PRKAR2B: variants seen among roughly 807,000 people sequenced by gnomAD.
PRKAR2B encodes the protein protein kinase cAMP-dependent type II regulatory subunit beta.
In PRKAR2B, 14 loss-of-function variants were observed where a neutral mutation model predicts 49.9. The ratio of observed to expected loss-of-function variants is 0.28; its 90% CI spans 0.19 to 0.44. PRKAR2B has a LOEUF of 0.44. Ranked by LOEUF, PRKAR2B falls within the 20% of genes least tolerant of loss-of-function variation. The pLI, the probability that PRKAR2B is intolerant of heterozygous loss-of-function variation, is 1.00. For synonymous variants in PRKAR2B, 196 were observed against 197.7 expected (o/e 0.99, Z 0.07); for missense variants, 393 against 537.9 (o/e 0.73, Z 2.67).
At chr7:107,047,205 C>T (rs1203915200) in intron 1 of PRKAR2B, among the ~76,000 whole-genome samples, 1 of 152,220 alleles carries the variant, frequency 6.6e-6, no homozygotes, top group Non-Finnish European at 1.5e-5. Context: ...GCACATACAT[C>T]TGTATAACAG....
chr7:107,143,029 G>A (rs1199895343), intron 5 of PRKAR2B, among the ~76,000 whole-genome samples: 14 of 152,140 alleles, frequency 9.2e-5, no homozygotes, highest in Non-Finnish European at 2.9e-5. Context: ...TCCCAAAGTG[G>A]TGGGTTTACA....
At chr7:107,068,740 A>G (rs1352269891) in intron 1 of PRKAR2B, 1 of 152,212 alleles carries the variant, frequency 6.6e-6, no homozygotes, top group East Asian at 1.9e-4. Flanking sequence ...AAGGAAGATA[A>G]TATTCACCTC....
In PRKAR2B at chr7:107,159,896, A is replaced by T. The variant is rs992256248; in HGVS notation, c.*314A>T. 7 of 228,396 alleles carry T rather than the reference A, an allele frequency of 3.1e-5. No homozygotes were observed. The highest frequency in any genetic ancestry group is 1.4e-4 in the African/African-American group (6 of 43,950). The allele number at this position is 228,396 out of a possible 1,614,324, so 14.1% of individuals were successfully genotyped here. ...CTGTGTTTAAGAAGATAATTAAAGGATGTTATCATAGGCTATATGTGTTTT... is the reference window on the plus strand; with the variant it reads ...CTGTGTTTAAGAAGATAATTAAAGGTTGTTATCATAGGCTATATGTGTTTT... On this transcript the variant is annotated 3_prime_UTR_variant, in exon 11 of 11. Coordinates refer to ENST00000265717, the MANE Select transcript of PRKAR2B (RefSeq NM_002736.3).
intron 2 of PRKAR2B, among the ~76,000 whole-genome samples, chr7:107,089,595 A>G (rs1794681950): frequency 6.6e-6 from 1 of 152,248 alleles, no homozygotes; most frequent in South Asian, 2.1e-4. Flanking sequence ...TTAAAAAGTT[A>G]TTTGCAGGGT....
chr7:107,151,101 A>G, intron 7 of PRKAR2B, 78 bp downstream of exon 7: 1 of 832,232 alleles, frequency 1.2e-6, no homozygotes, highest in Non-Finnish European at 1.7e-6. Flanking sequence ...TTCTATAGAA[A>G]AATTTCTTTG....
At chr7:107,059,149 G>A (rs1174979683) in intron 1 of PRKAR2B, among the ~76,000 whole-genome samples, 1 of 152,166 alleles carries the variant, frequency 6.6e-6, no homozygotes, top group Non-Finnish European at 1.5e-5. Context: ...TTAGCCGGAT[G>A]TAATGGCACA....
At position 107,161,752 on chromosome 7, in the gene PRKAR2B, CA is replaced by C. The variant is rs1258661259; in HGVS notation, c.*2172del. On this transcript the variant is annotated 3_prime_UTR_variant, in exon 11 of 11. Transcript: ENST00000265717. ...ATTTGGCCATTTAGAATAACCAAAT[CA>C]ATCTGGCTAACTAGGAATTTATGTG... 6.6e-6 allele frequency: 1 copy of C among 152,164 alleles called. No homozygotes were observed. Among genetic ancestry groups the C allele is most frequent in the Admixed American group, 6.5e-5 (1 of 15,274 alleles). The allele number at this position is 152,164 out of a possible 1,614,324, so 9.4% of individuals were successfully genotyped here. A position where few individuals can be genotyped will look rare whatever the true frequency, so the allele number is the denominator to read the frequency against.
intron 2 of PRKAR2B, among the ~76,000 whole-genome samples, chr7:107,103,836 T>C (rs770483037): frequency 5.3e-5 from 8 of 152,202 alleles, no homozygotes; most frequent in Non-Finnish European, 1.2e-4. Context: ...CCCAAAGCTA[T>C]TCCTTGTTTT....
chr7:107,134,047 T>G (rs562992004), intron 4 of PRKAR2B, among the ~76,000 whole-genome samples: 2 of 152,200 alleles, frequency 1.3e-5, no homozygotes, highest in African/African-American at 2.4e-5. Context: ...TGTTGTTGTT[T>G]TTTGAGAGTC....
intron 2 of PRKAR2B, among the ~76,000 whole-genome samples, chr7:107,116,895 A>ATG (rs767262850): frequency 4.6e-4 from 67 of 146,804 alleles, no homozygotes; most frequent in African/African-American, 1.3e-3. Context: ...ATATATATAT[A>ATG]TGTGTGTGTG....
chr7:107,103,022 A>G (rs376011169), intron 2 of PRKAR2B, among the ~76,000 whole-genome samples: 1 of 152,346 alleles, frequency 6.6e-6, no homozygotes, highest in Non-Finnish European at 1.5e-5. Context: ...TTAAACATTC[A>G]TATCTCCAAA....
chr7:107,098,543 T>G (rs1275746415), intron 2 of PRKAR2B, among the ~76,000 whole-genome samples: 1 of 152,212 alleles, frequency 6.6e-6, no homozygotes, highest in African/African-American at 2.4e-5. Flanking sequence ...CTTTCCTGCT[T>G]TGTTCTGTTG....
intron 2 of PRKAR2B, among the ~76,000 whole-genome samples, chr7:107,100,989 A>G (rs746091660): frequency 3.3e-5 from 5 of 152,120 alleles, no homozygotes; most frequent in South Asian, 2.1e-4. Flanking sequence ...ATTGTAGATC[A>G]TATCTGTTGA....
rs914902642 is a variant in PRKAR2B, at chr7:107,158,575, C to A, written c.1124-874C>A. Reference sequence around the variant, plus strand: ...AATCATTCCTTAGTGGTAAATACTTCGAAGGTTTTGGCTCCAACTTTTTTG... The same window carrying A: ...AATCATTCCTTAGTGGTAAATACTTAGAAGGTTTTGGCTCCAACTTTTTTG... On this transcript the variant is annotated intron_variant, in intron 10 of 10. Transcript: ENST00000265717. Among the ~76,000 whole-genome samples, 4 of 152,066 alleles carry A rather than the reference C, an allele frequency of 2.6e-5. No individual in the cohort carries two copies. In the East Asian group the frequency reaches 7.7e-4, roughly 29 times the overall value.
intron 2 of PRKAR2B, among the ~76,000 whole-genome samples, chr7:107,107,926 G>C (rs1176660711): frequency 1.3e-5 from 2 of 148,374 alleles, no homozygotes; most frequent in Non-Finnish European, 3.0e-5. Context: ...AAAGTGTTGG[G>C]ATTACAGGCG....
At chr7:107,133,423 C>T (rs1161727129) in intron 4 of PRKAR2B, among the ~76,000 whole-genome samples, 1 of 152,152 alleles carries the variant, frequency 6.6e-6, no homozygotes, top group Non-Finnish European at 1.5e-5. Flanking sequence ...CACCCTCTAC[C>T]TGCCTTAAAA....
At chr7:107,144,588 G>C (rs1438340875) in intron 5 of PRKAR2B, among the ~76,000 whole-genome samples, 1 of 151,854 alleles carries the variant, frequency 6.6e-6, no homozygotes, top group African/African-American at 2.4e-5. Flanking sequence ...AGCCTTCCAA[G>C]TAGCTAGGAG....
intron 2 of PRKAR2B, among the ~76,000 whole-genome samples, chr7:107,110,080 C>T (rs1420211258): frequency 1.3e-5 from 2 of 152,168 alleles, no homozygotes; most frequent in Admixed American, 6.5e-5. Context: ...CCGCATGGTG[C>T]AGAGAGATAA....
intron 7 of PRKAR2B, 70 bp from the exon 8 acceptor site, chr7:107,153,107 T>C: frequency 8.2e-7 from 1 of 1,223,750 alleles, no homozygotes; most frequent in Non-Finnish European, 1.2e-6. Flanking sequence ...TACCAGTTTT[T>C]TACTCCCGAA....
Sources: allele counts gnomAD v4.1 joint callset (sites outside exome capture counted in the v4.1 genomes callset), GRCh38; gene constraint gnomAD v4.1.1; transcripts MANE v1.5; gene names NCBI Gene and HGNC (gene_info 2026-07-23, HGNC 2026-07-21).